The following PRAMEF4 variants were observed in gnomAD, a reference collection of about 807,000 sequenced individuals.
The protein encoded by PRAMEF4 is RP5-845O24.6.
PRAMEF4 carries 18 observed loss-of-function variants against 34.4 expected under a neutral mutation model. The observed-to-expected ratio is 0.52, with a 90% CI of 0.36 to 0.78. The LOEUF (loss-of-function observed/expected upper bound fraction) is 0.78. PRAMEF4 is among the 30% of genes least tolerant of loss of function. The pLI is 0.00. For synonymous variants in PRAMEF4, 156 were observed against 219.3 expected, an observed-to-expected ratio of 0.71 and a Z score of 2.55; for missense variants, 482 against 569.1, an observed-to-expected ratio of 0.85 and a Z score of 1.56.
rs765679921 is a variant in PRAMEF4 at position 12,883,383 on chromosome 1, G to T, written c.12C>A (p.Ser4Arg). Residue 4 changes from serine (S) to arginine (R), a missense_variant, in exon 2 of 4, where the codon AGC becomes AGA. By Grantham distance (110) the Ser-to-Arg change is moderately radical. Transcript: ENST00000235349. MKM[S>R]IWTPPRLLEL... ...CCAGGAGTCTGGGTGGAGTCCAGAT[G>T]CTCATCTTCATGAATCTGCAGGGAA... 6.2e-7 allele frequency: 1 copy of T among 1,601,256 alleles called. No individual in the cohort carries two copies. Among genetic ancestry groups the T allele is most frequent in the Non-Finnish European group, 8.5e-7 (1 of 1,173,952 alleles).
chr1:12,881,070 A>G (rs1436013876), intron 3 of PRAMEF4, among the ~76,000 whole-genome samples: 1 of 148,114 alleles, frequency 6.8e-6, no homozygotes, highest in Non-Finnish European at 1.5e-5. Context: ...CATCTTCTTA[A>G]AAATTATCTT....
At position 12,882,952 on chromosome 1, in the gene PRAMEF4, G is replaced by C. The variant is rs377316829; in HGVS notation, c.293+150C>G. On this transcript the variant is annotated intron_variant, in intron 2 of 3. Transcript: ENST00000235349. ...CTCCATGGACCTTGCGTGGTGAGCA[G>C]TGCTTTCCCTGAGGAGCTGGTGAAT... 213 of 1,164,138 alleles carry C rather than the reference G, an allele frequency of 1.8e-4. 10 individuals carry two copies. The highest frequency in any genetic ancestry group is 5.9e-4 in the East Asian group (23 of 38,812). The allele number at this position is 1,164,138 out of a possible 1,614,324, so 72.1% of individuals were successfully genotyped here.
chr1:12,881,254 C>T (rs1188352023), intron 3 of PRAMEF4, among the ~76,000 whole-genome samples: 3 of 148,008 alleles, frequency 2.0e-5, no homozygotes, highest in East Asian at 3.9e-4. Flanking sequence ...TAATCCCAGG[C>T]ACTCAGGAGG....
chr1:12,880,213 G>C (rs1640861774), intron 3 of PRAMEF4, 108 bp from the exon 4 acceptor site: 9 of 1,520,838 alleles, frequency 5.9e-6, no homozygotes, highest in Middle Eastern at 2.0e-4. Flanking sequence ...CCCAAGTCCA[G>C]GGTCATTCTG....
rs1640883331 is a variant in PRAMEF4, at chr1:12,881,308, G to T, written c.875+546C>A. 1.3e-5 allele frequency among the ~76,000 whole-genome samples: 2 copies of T among 148,716 alleles called. 1 individual carries two copies. The highest frequency in any genetic ancestry group is 3.0e-5 in the Non-Finnish European group (2 of 67,510). On this transcript the variant is annotated intron_variant, in intron 3 of 3. Coordinates refer to ENST00000235349, the MANE Select transcript of PRAMEF4 (RefSeq NM_001009611.4). The stretch of plus-strand genomic sequence containing the variant: ...ATGAACCTGGGAGGCAGAAGTTGCT[G>T]CGAGCTGAGATGTCACAACTGCACT...
rs1483019758 is a variant in PRAMEF4 at position 12,882,715 on chromosome 1, C to G, written c.294-280G>C. Among the ~76,000 whole-genome samples, 15 of 148,068 alleles carry G rather than the reference C, an allele frequency of 1.0e-4. 1 individual carries two copies. Among genetic ancestry groups the G allele is most frequent in the Admixed American group, 8.4e-4 (12 of 14,296 alleles). ...AAATGATTCTCCTGCCTCAACCTCACAAGTAGCTGGGATTACAGGAGCCCA... is the reference window on the plus strand; with the variant it reads ...AAATGATTCTCCTGCCTCAACCTCAGAAGTAGCTGGGATTACAGGAGCCCA... On this transcript the variant is annotated intron_variant, in intron 2 of 3. Coordinates refer to ENST00000235349, the MANE Select transcript of PRAMEF4 (RefSeq NM_001009611.4).
intron 1 of PRAMEF4, among the ~76,000 whole-genome samples, chr1:12,885,876 T>G (rs1569890502): frequency 7.6e-6 from 1 of 131,238 alleles, no homozygotes; most frequent in Admixed American, 8.1e-5. Context: ...ATCCTCCCAC[T>G]TTGGCCTCCC....
chr1:12,883,001 A>T (rs1323733257), intron 2 of PRAMEF4, 101 bp downstream of exon 2: 10 of 1,524,724 alleles, frequency 6.6e-6, no homozygotes, highest in Non-Finnish European at 8.9e-6. Context: ...CGGCTTCCTC[A>T]CCACCACCAT....
At position 12,879,472 on chromosome 1, in the gene PRAMEF4, C is replaced by T; in HGVS notation, c.*72G>A. On this transcript the variant is annotated 3_prime_UTR_variant, in exon 4 of 4. Coordinates refer to ENST00000235349, the MANE Select transcript of PRAMEF4 (RefSeq NM_001009611.4). ...GTTCTGTGCTCCCTTTAGGATGTAC[C>T]TAAGACCTAGGTTTTAGTTTCCAAG... is the stretch of plus-strand genomic sequence containing the variant. 3.1e-6 allele frequency: 3 copies of T among 965,876 alleles called. 1 individual carries two copies. The highest frequency in any genetic ancestry group is 4.6e-6 in the Non-Finnish European group (3 of 653,258). The allele number at this position is 965,876 out of a possible 1,614,324, so 59.8% of individuals were successfully genotyped here.
At position 12,880,039 on chromosome 1, in the gene PRAMEF4, C is replaced by T; in HGVS notation, c.942G>A (p.Lys314=). The change falls in exon 4 of 4, where the codon AAG becomes AAA. Residue 314 remains lysine, a synonymous_variant. Coordinates refer to ENST00000235349, the MANE Select transcript of PRAMEF4 (RefSeq NM_001009611.4). Reference sequence around the variant, plus strand: ...TGATACTCGGGCACTGGGATAGATGCTTCAAGTCTGATTCCAAAAGCACAC... The same window carrying T: ...TGATACTCGGGCACTGGGATAGATGTTTCAAGTCTGATTCCAAAAGCACAC... ...TNCVLLESDL[K]HLSQCPSISQ... 1.3e-6 allele frequency: 2 copies of T among 1,578,260 alleles called. No individual in the cohort carries two copies. The highest frequency in any genetic ancestry group is 1.7e-6 in the Non-Finnish European group (2 of 1,154,552).
chr1:12,879,686 C>G lies in PRAMEF4; in HGVS notation c.1295G>C (p.Arg432Thr), dbSNP rs543370672. 39 of 1,602,146 alleles carry G rather than the reference C, an allele frequency of 2.4e-5. 1 individual carries two copies. The South Asian group carries it at 4.1e-4, about 17-fold the overall frequency. Reference protein sequence around the residue: ...YGADGTLCWSRFAQIRAELMN... With the variant: ...YGADGTLCWSTFAQIRAELMN... Reference sequence around the variant, plus strand: ...CAGCTCAGCCCTAATTTGAGCAAATCTGCTCCAGCAGAGAGTACCATCAGC... The same window carrying G: ...CAGCTCAGCCCTAATTTGAGCAAATGTGCTCCAGCAGAGAGTACCATCAGC... The change falls in exon 4 of 4, where the codon AGA becomes ACA. Residue 432 changes from arginine to threonine, a missense_variant. Around this residue, in one of 6 missense-constraint regions of PRAMEF4, gnomAD observed 116 missense variants for 105.2 expected, o/e 1.10. Coordinates refer to ENST00000235349, the MANE Select transcript of PRAMEF4 (RefSeq NM_001009611.4).
rs143934691 is a variant in PRAMEF4, at chr1:12,883,169, A to G, written c.226T>C (p.Cys76Arg). The G allele has an allele frequency of 0.049, 78,341 of 1,601,186 alleles. 6,856 individuals carry two copies. The highest frequency in any genetic ancestry group is 0.056 in the Non-Finnish European group (65,442 of 1,174,020). Residue 76 changes from cysteine to arginine, a missense_variant, in exon 2 of 4, where the codon TGT becomes CGT. Coordinates refer to ENST00000235349, the MANE Select transcript of PRAMEF4 (RefSeq NM_001009611.4). ...AGCACAGCTTGGAAGGCCTCCAGACAAGGCATCTTTATCAGAGGCCTCAGA... is the reference window on the plus strand; with the variant it reads ...AGCACAGCTTGGAAGGCCTCCAGACGAGGCATCTTTATCAGAGGCCTCAGA... The part of the protein sequence containing the change: ...LPLRPLIKMP[C>R]LEAFQAVLDG...
intron 1 of PRAMEF4, among the ~76,000 whole-genome samples, chr1:12,885,818 G>C (rs1640992169): frequency 6.9e-6 from 1 of 144,818 alleles, no homozygotes; most frequent in East Asian, 2.0e-4. Flanking sequence ...GCAGAGGAGG[G>C]TTTTTGTCAT....
intron 1 of PRAMEF4, among the ~76,000 whole-genome samples, chr1:12,885,505 G>T (rs1459813872): frequency 1.3e-5 from 2 of 149,138 alleles, no homozygotes; most frequent in African/African-American, 5.0e-5. Flanking sequence ...GACTACAGAT[G>T]CATGGTGACT....
intron 1 of PRAMEF4, among the ~76,000 whole-genome samples, chr1:12,883,978 C>T (rs530727212): frequency 1.4e-5 from 2 of 143,650 alleles, no homozygotes; most frequent in South Asian, 4.6e-4. Flanking sequence ...TTCCCTGCCT[C>T]CCTTCTCTCA....
chr1:12,879,828 A>G lies in PRAMEF4; in HGVS notation c.1153T>C (p.Phe385Leu), dbSNP rs1450212928. ...CAGATGGGATTTCCACAGAAGCTGAAGGTGTTGAGCTCAAAGCAGCGGCTC... is the reference window on the plus strand; with the variant it reads ...CAGATGGGATTTCCACAGAAGCTGAGGGTGTTGAGCTCAAAGCAGCGGCTC... ...ALSRCFELNT[F>L]SFCGNPICMA... The change falls in exon 4 of 4, where the codon TTC (phenylalanine) becomes CTC (leucine). Residue 385 changes from phenylalanine (F) to leucine (L), a missense_variant. Around this residue, in one of 6 missense-constraint regions of PRAMEF4, gnomAD observed 116 missense variants for 105.2 expected, o/e 1.10. Coordinates refer to ENST00000235349, the MANE Select transcript of PRAMEF4 (RefSeq NM_001009611.4). The G allele has an allele frequency of 6.3e-7, 1 of 1,599,594 alleles. No individual in the cohort carries two copies. The highest frequency in any genetic ancestry group is 1.4e-5 in the African/African-American group (1 of 73,026).
chr1:12,882,600 T>G (rs1034767414), intron 2 of PRAMEF4, among the ~76,000 whole-genome samples, 165 bp from the exon 3 acceptor site: 7 of 146,496 alleles, frequency 4.8e-5, no homozygotes, highest in Non-Finnish European at 7.5e-5. Context: ...ATTGTTTTGT[T>G]TTTTTTTTGA....
intron 1 of PRAMEF4, among the ~76,000 whole-genome samples, 159 bp downstream of exon 1, chr1:12,885,988 C>T (rs1482472628): frequency 2.6e-5 from 2 of 75,996 alleles, no homozygotes; most frequent in African/African-American, 7.8e-5. Flanking sequence ...GACAGAACTG[C>T]CTTTAGAGGA....
Position 12,882,042 on chromosome 1 carries a change from G to C in PRAMEF4, c.687C>G (p.Tyr229Ter), listed in dbSNP as rs773198984. The C allele has an allele frequency of 1.9e-6, 3 of 1,590,234 alleles. No homozygotes were observed. Among genetic ancestry groups the C allele is most frequent in the African/African-American group, 2.8e-5 (2 of 71,324 alleles). Residue 229 changes from tyrosine to a stop codon, truncating the protein, a stop_gained, in exon 3 of 4, where the codon TAC (tyrosine) becomes TAG (stop). Coordinates refer to ENST00000235349, the MANE Select transcript of PRAMEF4 (RefSeq NM_001009611.4). LOFTEE classifies it high-confidence loss of function. ...VLPILTQFTPYLGHMRNLQKL... is the reference protein window; with the variant it reads ...VLPILTQFTP ...TCTGAAGATTCCTCATGTGGCCCAG[G>C]TATGGGGTAAACTGTGTCAGGATGG...
Sources: gnomAD v4.1 joint callset for allele counts (sites outside exome capture counted in the v4.1 genomes callset) on GRCh38, gnomAD v4.1.1 for gene constraint, gnomAD v4.1.1 regional missense constraint, MANE v1.5 for transcripts, NCBI Gene and HGNC (gene_info 2026-07-23, HGNC 2026-07-21) for gene names.